The following ALMS1 variants were observed in gnomAD, a reference collection of about 807,000 sequenced individuals.
ALMS1 encodes the protein centrosome-associated protein ALMS1.
Under a neutral mutation model 352.2 loss-of-function variants are expected in ALMS1, and 271 were observed. That is an observed-to-expected ratio of 0.77 (90% CI 0.70 to 0.85). ALMS1 has a LOEUF of 0.85. Ranked by LOEUF, ALMS1 falls within the 40% of genes least tolerant of loss-of-function variation. The pLI, the probability that ALMS1 is intolerant of heterozygous loss-of-function variation, is 0.00. For missense variants in ALMS1, 5,445 were observed against 4,870.7 expected (o/e 1.12, Z -3.51); for synonymous variants, 1,865 against 1,761.2 (o/e 1.06, Z -1.48).
chr2:73,498,498 C>A (rs1673154426), intron 10 of ALMS1, among the ~76,000 whole-genome samples: 1 of 146,388 alleles, frequency 6.8e-6, no homozygotes, highest in Non-Finnish European at 1.5e-5. Context: ...AGGTCTTATT[C>A]ATTCTTTCTA....
chr2:73,540,902 T>TA (rs1674162441), intron 12 of ALMS1, among the ~76,000 whole-genome samples: 1 of 152,182 alleles, frequency 6.6e-6, no homozygotes. Flanking sequence ...CAAAGAGACT[T>TA]AGACTCCCAC....
chr2:73,390,244 G>A (rs1670618147), intron 1 of ALMS1, among the ~76,000 whole-genome samples: 1 of 152,148 alleles, frequency 6.6e-6, no homozygotes, highest in Admixed American at 6.5e-5. Flanking sequence ...AGGTTGGAAA[G>A]TGTTTAAGGA....
In ALMS1 at chr2:73,449,208, GTGA is replaced by G. The variant is rs763288832; in HGVS notation, c.2683_2685del (p.Asp895del). Reference sequence around the variant, plus strand: ...AAAGTATCAATTGTTCCTGGACCAGGTGATCAGAAGACTGGGATACCCTCAGCA... The same window carrying G: ...AAAGTATCAATTGTTCCTGGACCAGGTCAGAAGACTGGGATACCCTCAGCA... On this transcript the variant is annotated inframe_deletion, in exon 8 of 23. Coordinates refer to ENST00000613296, the MANE Select transcript of ALMS1 (RefSeq NM_001378454.1). 60 of 1,613,750 alleles carry G rather than the reference GTGA, an allele frequency of 3.7e-5. No homozygotes were observed. The highest frequency in any genetic ancestry group is 4.6e-5 in the Non-Finnish European group (54 of 1,179,944).
chr2:73,426,789 A>G (rs1166887815), intron 6 of ALMS1, among the ~76,000 whole-genome samples: 1 of 152,186 alleles, frequency 6.6e-6, no homozygotes, highest in Non-Finnish European at 1.5e-5. Flanking sequence ...TGAGAAGGAA[A>G]GCAATTTTGA....
In ALMS1 at chr2:73,491,479, A is replaced by G. The variant is rs749574293; in HGVS notation, c.9520A>G (p.Thr3174Ala). Residue 3174 changes from threonine to alanine, a missense_variant, in exon 10 of 23, where the codon ACC becomes GCC. By Grantham distance (58) the Thr-to-Ala change is moderately conservative. Transcript: ENST00000613296. ...CGAAGGACATTCCAATCCAGAGGGG[A>G]CCCCAGTATTTGCAGATCGGTGAGT... Reference protein sequence around the residue: ...DFEGHSNPEGTPVFADRLPEK... With the variant: ...DFEGHSNPEGAPVFADRLPEK... 6.2e-7 allele frequency: 1 copy of G among 1,613,964 alleles called. No individual in the cohort carries two copies. Among genetic ancestry groups the G allele is most frequent in the Non-Finnish European group, 8.5e-7 (1 of 1,179,998 alleles).
intron 1 of ALMS1, 94 bp downstream of exon 1, chr2:73,386,286 G>A: frequency 7.1e-7 from 1 of 1,409,566 alleles, no homozygotes; most frequent in Non-Finnish European, 9.2e-7. Context: ...CACGCCGCCT[G>A]ACGGAGAAAA....
intron 10 of ALMS1, among the ~76,000 whole-genome samples, chr2:73,506,259 G>T (rs750782051): frequency 2.6e-5 from 4 of 152,052 alleles, no homozygotes; most frequent in African/African-American, 4.8e-5. Flanking sequence ...TAGGATTGTT[G>T]TGGCTATACG....
intron 7 of ALMS1, among the ~76,000 whole-genome samples, chr2:73,434,439 T>G (rs1174455267): frequency 2.0e-5 from 3 of 152,236 alleles, no homozygotes; most frequent in African/African-American, 7.2e-5. Context: ...CAATTTTTGT[T>G]GGAAAACATA....
At position 73,448,161 on chromosome 2, in the gene ALMS1, C is replaced by G. The variant is rs772068213; in HGVS notation, c.1634C>G (p.Thr545Ser). 5.0e-6 allele frequency: 8 copies of G among 1,613,902 alleles called. No individual in the cohort carries two copies. In the East Asian group the frequency reaches 1.8e-4, roughly 36 times the overall value. ...DTLNQKTLAD[T>S]HLTEETLKVT... ...CTCAACCAAAAGACATTAGCAGATA[C>G]TCATCTAACTGAAGAGACTCTGAAA... is the stretch of plus-strand genomic sequence containing the variant. Residue 545 changes from threonine to serine, a missense_variant, in exon 8 of 23, where the codon ACT becomes AGT. By Grantham distance (58) the Thr-to-Ser change is moderately conservative. Transcript: ENST00000613296.
chr2:73,498,575 T>C (rs1673156830), intron 10 of ALMS1, among the ~76,000 whole-genome samples: 1 of 151,988 alleles, frequency 6.6e-6, no homozygotes, highest in Admixed American at 6.6e-5. Context: ...TCACTACCTT[T>C]CTCAGCCTCT....
rs1213066760 is a variant in ALMS1 at position 73,424,651 on chromosome 2, A to T, written c.986A>T (p.Glu329Val). Residue 329 changes from glutamate (E) to valine (V), a missense_variant, in exon 5 of 23, where the codon GAA (glutamate) becomes GTA (valine). Physicochemically the swap from Glu to Val is moderately radical, Grantham distance 121. Coordinates refer to ENST00000613296, the MANE Select transcript of ALMS1 (RefSeq NM_001378454.1). ...NNEETISSVD[E>V]LKIPKDCDRY... ...GAAGAGACTATTTCGTCTGTTGATGAACTGAAAATTCCCAAAGACTGTGAT... is the reference window on the plus strand; with the variant it reads ...GAAGAGACTATTTCGTCTGTTGATGTACTGAAAATTCCCAAAGACTGTGAT... 1.2e-6 allele frequency: 2 copies of T among 1,614,078 alleles called. No homozygotes were observed. Among genetic ancestry groups the T allele is most frequent in the Admixed American group, 1.7e-5 (1 of 59,962 alleles).
At chr2:73,513,130 A>C (rs1317060772) in intron 10 of ALMS1, among the ~76,000 whole-genome samples, 7 of 152,122 alleles carry the variant, frequency 4.6e-5, no homozygotes, top group African/African-American at 1.2e-4. Context: ...GGATGACCCT[A>C]ACGCTCCACT....
chr2:73,609,522 T>C (rs773872711), intron 22 of ALMS1, 46 bp from the exon 23 acceptor site: 11 of 1,585,572 alleles, frequency 6.9e-6, no homozygotes, highest in South Asian at 6.6e-5. Context: ...CTGCCTCTGA[T>C]GGCAGTAATA....
intron 1 of ALMS1, among the ~76,000 whole-genome samples, chr2:73,395,078 ATTT>A (rs1163258474): frequency 5.9e-5 from 6 of 101,330 alleles, no homozygotes; most frequent in South Asian, 2.9e-4. Context: ...ATATATATAT[ATTT>A]TTTTTTTTTT....
chr2:73,566,682 C>CCTA (rs1674807794), intron 15 of ALMS1, among the ~76,000 whole-genome samples: 1 of 152,170 alleles, frequency 6.6e-6, no homozygotes, highest in African/African-American at 2.4e-5. Context: ...ACACTGACAA[C>CCTA]CTGTACTTAG....
Position 73,572,563 on chromosome 2 carries a change from T to C in ALMS1, c.10686T>C (p.Thr3562=). 1 of 1,613,878 alleles carries C rather than the reference T, an allele frequency of 6.2e-7. No individual in the cohort carries two copies. The highest frequency in any genetic ancestry group is 2.2e-5 in the East Asian group (1 of 44,860). The part of the protein sequence containing the change: ...VNLGNKEVMD[T]TKSQVRDYPK... ...TGGGAAACAAAGAAGTGATGGATACTACTAAAAGTCAAGTTAGAGATTATC... is the reference window on the plus strand; with the variant it reads ...TGGGAAACAAAGAAGTGATGGATACCACTAAAAGTCAAGTTAGAGATTATC... The change falls in exon 16 of 23, where the codon ACT becomes ACC. Residue 3562 remains threonine (T), a synonymous_variant. Transcript: ENST00000613296.
At chr2:73,570,516 A>G (rs1463108054) in intron 15 of ALMS1, among the ~76,000 whole-genome samples, 3 of 152,096 alleles carry the variant, frequency 2.0e-5, no homozygotes, top group African/African-American at 7.2e-5. Context: ...GGTAAAGGAG[A>G]GGAAAATAGG....
chr2:73,543,935 A>G (rs1218371367), intron 12 of ALMS1, among the ~76,000 whole-genome samples: 1 of 152,194 alleles, frequency 6.6e-6, no homozygotes, highest in East Asian at 1.9e-4. Flanking sequence ...AACTAGTTCA[A>G]CCATTGTTGA....
Position 73,573,389 on chromosome 2 carries a change from G to T in ALMS1, c.11512G>T (p.Val3838Leu). 1.2e-6 allele frequency: 2 copies of T among 1,614,050 alleles called. No homozygotes were observed. The highest frequency in any genetic ancestry group is 1.7e-6 in the Non-Finnish European group (2 of 1,179,980). ...KKVLNTGHPL[V>L]TSEHTRRRHI... ...AGTGCTGAATACAGGTCATCCCCTA[G>T]TGACTTCTGAGCACACCAGAAGGAG... The change falls in exon 16 of 23, where the codon GTG becomes TTG. Residue 3838 changes from valine (V) to leucine (L), a missense_variant. Val to Leu is a conservative substitution (Grantham distance 32, BLOSUM62 1). Transcript: ENST00000613296.
Sources: allele counts gnomAD v4.1 joint callset (sites outside exome capture counted in the v4.1 genomes callset), GRCh38; gene constraint gnomAD v4.1.1; transcripts MANE v1.5; gene names NCBI Gene and HGNC (gene_info 2026-07-23, HGNC 2026-07-21).